Variants in MACROD2 observed in about 807,000 individuals in gnomAD.
MACROD2 encodes mono-ADP ribosylhydrolase 2, also known as ADP-ribose glycohydrolase MACROD2.
Under a neutral mutation model 70.4 loss-of-function variants are expected in MACROD2, and 36 were observed. The observed-to-expected ratio is 0.51, with a 90% CI of 0.39 to 0.68. MACROD2 has a LOEUF of 0.68. Among genes scored for constraint, MACROD2 ranks in the 30% least tolerant of loss-of-function variants. MACROD2 has a pLI of 0.00. For synonymous variants in MACROD2, 172 were observed against 178.8 expected, an observed-to-expected ratio of 0.96 and a Z score of 0.30; for missense variants, 496 against 538.4, an observed-to-expected ratio of 0.92 and a Z score of 0.78.
chr20:15,273,033 C>T (rs770161287), intron 6 of MACROD2, among the ~76,000 whole-genome samples: 13 of 152,042 alleles, frequency 8.6e-5, no homozygotes, highest in Non-Finnish European at 1.9e-4. Context: ...ATTAAACTTC[C>T]CTACTGGGAT....
At chr20:15,923,676 C>T (rs1262018050) in intron 10 of MACROD2, among the ~76,000 whole-genome samples, 1 of 152,202 alleles carries the variant, frequency 6.6e-6, no homozygotes, top group African/African-American at 2.4e-5. Context: ...GTTTGAGGAC[C>T]AGTACTCCAG....
chr20:14,314,893 A>G (rs2082599952), intron 3 of MACROD2, among the ~76,000 whole-genome samples: 1 of 152,226 alleles, frequency 6.6e-6, no homozygotes. Context: ...AGGCATTATT[A>G]CTACCTTATT....
chr20:15,763,112 C>T (rs767744982), intron 8 of MACROD2, among the ~76,000 whole-genome samples: 1 of 152,084 alleles, frequency 6.6e-6, no homozygotes, highest in Non-Finnish European at 1.5e-5. Context: ...CTGCTTAGCT[C>T]TGGTTTTGGT....
chr20:14,820,562 C>T lies in MACROD2; in HGVS notation c.418+135603C>T, dbSNP rs551039332. On this transcript the variant is annotated intron_variant, in intron 5 of 17. Coordinates refer to ENST00000684519, the MANE Select transcript of MACROD2 (RefSeq NM_001351661.2). ...TTCATCACCAGTGTAATTAAGTGAG[C>T]TTCCCTACAATATCTTAACTTAGCT... Among the ~76,000 whole-genome samples, 172 of 152,044 alleles carry T rather than the reference C, an allele frequency of 1.1e-3. 1 individual carries two copies. Among genetic ancestry groups the T allele is most frequent in the Middle Eastern group, 3.4e-3 (1 of 294 alleles).
At chr20:15,035,481 A>G (rs776242782) in intron 5 of MACROD2, among the ~76,000 whole-genome samples, 1 of 152,048 alleles carries the variant, frequency 6.6e-6, no homozygotes, top group Admixed American at 6.6e-5. Context: ...TGCAAGAAAT[A>G]TTTTTACTTC....
At chr20:15,083,345 T>G (rs404513) in intron 5 of MACROD2, among the ~76,000 whole-genome samples, 49,921 of 152,012 alleles carry the variant, frequency 0.33, 8,529 homozygotes, top group East Asian at 0.59. Flanking sequence ...TATTTTCTTC[T>G]TTCACTAAAA....
intron 8 of MACROD2, among the ~76,000 whole-genome samples, chr20:15,709,133 C>T (rs2050585474): frequency 6.6e-6 from 1 of 152,032 alleles, no homozygotes; most frequent in Non-Finnish European, 1.5e-5. Context: ...CTTATTATCC[C>T]CACCTATAGG....
intron 3 of MACROD2, among the ~76,000 whole-genome samples, chr20:14,186,165 G>A (rs2081342443): frequency 6.6e-6 from 1 of 152,024 alleles, no homozygotes; most frequent in East Asian, 1.9e-4. Flanking sequence ...ATATACCTAG[G>A]TTCTATAGAG....
At chr20:15,592,812 T>G (rs1358921014) in intron 8 of MACROD2, among the ~76,000 whole-genome samples, 1 of 152,230 alleles carries the variant, frequency 6.6e-6, no homozygotes, top group Admixed American at 6.5e-5. Context: ...TGGAGAGTGG[T>G]GAAAACATCT....
chr20:15,502,201 A>G (rs2047373244), intron 8 of MACROD2, among the ~76,000 whole-genome samples: 2 of 152,216 alleles, frequency 1.3e-5, no homozygotes, highest in South Asian at 2.1e-4. Context: ...GTTTTTAGGT[A>G]GACGTGCTGA....
chr20:15,641,204 TG>T (rs1334497010), intron 8 of MACROD2, among the ~76,000 whole-genome samples: 1 of 152,222 alleles, frequency 6.6e-6, no homozygotes, highest in Non-Finnish European at 1.5e-5. Context: ...TGCCTCCTCT[TG>T]CCTCATGCTC....
intron 8 of MACROD2, among the ~76,000 whole-genome samples, chr20:15,811,821 A>T (rs2063824837): frequency 6.6e-6 from 1 of 152,192 alleles, no homozygotes. Context: ...GCTGGTACAT[A>T]TGAATAAGCG....
chr20:14,534,555 T>A (rs1249548257), intron 4 of MACROD2, among the ~76,000 whole-genome samples: 1 of 152,232 alleles, frequency 6.6e-6, no homozygotes, highest in Admixed American at 6.5e-5. Context: ...TGTCTTCAAA[T>A]ACAGATGTAT....
At chr20:14,464,632 G>T (rs1429822703) in intron 3 of MACROD2, among the ~76,000 whole-genome samples, 1 of 151,980 alleles carries the variant, frequency 6.6e-6, no homozygotes, top group African/African-American at 2.4e-5. Context: ...ATGTTAGGGT[G>T]TCGATTTTAG....
chr20:15,021,729 A>G (rs181202468), intron 5 of MACROD2: 86 of 151,790 alleles, frequency 5.7e-4, no homozygotes, highest in African/African-American at 1.8e-3. Flanking sequence ...TGGAACTAAT[A>G]GTAGTGAACT....
intron 7 of MACROD2, among the ~76,000 whole-genome samples, chr20:15,470,739 G>A (rs1600458982): frequency 6.6e-6 from 1 of 152,116 alleles, no homozygotes; most frequent in East Asian, 1.9e-4. Flanking sequence ...TTGTTTCTGG[G>A]GATATTACAT....
At chr20:14,831,314 T>C (rs2072962570) in intron 5 of MACROD2, among the ~76,000 whole-genome samples, 1 of 152,166 alleles carries the variant, frequency 6.6e-6, no homozygotes, top group East Asian at 1.9e-4. Flanking sequence ...CATTTGGGAA[T>C]ATTTTCAGTT....
chr20:14,834,655 G>A (rs2122246226), intron 5 of MACROD2, among the ~76,000 whole-genome samples: 1 of 151,948 alleles, frequency 6.6e-6, no homozygotes, highest in African/African-American at 2.4e-5. Context: ...ATCTACAATG[G>A]GTACTACAAT....
chr20:14,945,183 T>TGCAAGGGCC (rs2074421412), intron 5 of MACROD2, among the ~76,000 whole-genome samples: 1 of 151,802 alleles, frequency 6.6e-6, no homozygotes, highest in Non-Finnish European at 1.5e-5. Context: ...GTGGGCCTGA[T>TGCAAGGGCC]CTTGGCTCAC....
Sources: gnomAD v4.1 joint callset for allele counts (sites outside exome capture counted in the v4.1 genomes callset) on GRCh38, gnomAD v4.1.1 for gene constraint, MANE v1.5 for transcripts, NCBI Gene and HGNC (gene_info 2026-07-23, HGNC 2026-07-21) for gene names.